The following WNT2 variants were observed in gnomAD, a reference collection of about 807,000 sequenced individuals.
The protein encoded by WNT2 is protein Wnt-2.
Under a neutral mutation model 36.9 loss-of-function variants are expected in WNT2, and 12 were observed. The observed-to-expected ratio is 0.33, with a 90% CI of 0.21 to 0.53. WNT2 has a LOEUF of 0.53. Ranked by LOEUF, WNT2 falls within the 20% of genes least tolerant of loss-of-function variation. WNT2 has a pLI of 0.95. For synonymous variants in WNT2, 163 were observed against 174.6 expected (o/e 0.93, Z 0.52); for missense variants, 379 against 473.1 (o/e 0.80, Z 1.84).
intron 4 of WNT2, among the ~76,000 whole-genome samples, chr7:117,292,272 A>T (rs1184370332): frequency 6.6e-6 from 1 of 151,774 alleles, no homozygotes; most frequent in Non-Finnish European, 1.5e-5. Context: ...TTCATCACAC[A>T]GGACCTACTC....
At chr7:117,314,537 A>T (rs1795178403) in intron 3 of WNT2, among the ~76,000 whole-genome samples, 1 of 152,180 alleles carries the variant, frequency 6.6e-6, no homozygotes, top group African/African-American at 2.4e-5. Flanking sequence ...CTCCTGGTCC[A>T]CTTACTTATC....
chr7:117,301,433 C>A (rs1437891525), intron 3 of WNT2, among the ~76,000 whole-genome samples: 1 of 152,136 alleles, frequency 6.6e-6, no homozygotes, highest in Non-Finnish European at 1.5e-5. Flanking sequence ...AAGAAACTTA[C>A]AATGAGGATT....
At chr7:117,281,330 T>G (rs1003670108) in intron 4 of WNT2, among the ~76,000 whole-genome samples, 8 of 152,124 alleles carry the variant, frequency 5.3e-5, no homozygotes, top group Admixed American at 5.2e-4. Context: ...CTCGACCTCC[T>G]GGGCTCAAGG....
rs201120939 is a variant in WNT2, at chr7:117,320,668, G to A, written c.209C>T (p.Ala70Val). The A allele has an allele frequency of 4.3e-5, 70 of 1,613,856 alleles. 2 individuals are homozygous for A. Among genetic ancestry groups the A allele is most frequent in the Middle Eastern group, 3.3e-4 (2 of 6,054 alleles). Residue 70 changes from alanine (A) to valine (V), a missense_variant, in exon 2 of 5, where the codon GCC (alanine) becomes GTC (valine). Ala to Val is a moderately conservative substitution (Grantham distance 64). Coordinates refer to ENST00000265441, the MANE Select transcript of WNT2 (RefSeq NM_003391.3). Reference sequence around the variant, plus strand: ...GTGCTGGCATTCTGCTGTCCACTCGGCCACGCCCTGGCTAATGGCACGCAT... The same window carrying A: ...GTGCTGGCATTCTGCTGTCCACTCGACCACGCCCTGGCTAATGGCACGCAT... Reference protein sequence around the residue: ...DVMRAISQGVAEWTAECQHQF... With the variant: ...DVMRAISQGVVEWTAECQHQF...
chr7:117,321,671 G>C (rs1795329035), intron 1 of WNT2, among the ~76,000 whole-genome samples: 1 of 152,082 alleles, frequency 6.6e-6, no homozygotes, highest in Non-Finnish European at 1.5e-5. Context: ...AATCGTTACA[G>C]CTGTGACTTC....
intron 4 of WNT2, among the ~76,000 whole-genome samples, chr7:117,285,496 A>G (rs966822323): frequency 6.6e-6 from 1 of 152,208 alleles, no homozygotes; most frequent in East Asian, 1.9e-4. Flanking sequence ...CTAACTCTTC[A>G]TACTTCATTT....
chr7:117,303,628 G>T (rs1365236771), intron 3 of WNT2, among the ~76,000 whole-genome samples: 2 of 152,182 alleles, frequency 1.3e-5, no homozygotes, highest in Non-Finnish European at 2.9e-5. Context: ...GATGATAAAA[G>T]AATGAGTGAC....
rs1794382973 is a variant in WNT2 at position 117,276,582 on chromosome 7, T to G, written c.*1573A>C. ...GTAGGTTGTTTTGTACGAGTCTCAGTCTAAATGACCTTACTGTATGGTATT... is the reference window on the plus strand; with the variant it reads ...GTAGGTTGTTTTGTACGAGTCTCAGGCTAAATGACCTTACTGTATGGTATT... On this transcript the variant is annotated 3_prime_UTR_variant, in exon 5 of 5. Coordinates refer to ENST00000265441, the MANE Select transcript of WNT2 (RefSeq NM_003391.3). 6.6e-6 allele frequency: 1 copy of G among 152,210 alleles called. No homozygotes were observed. The highest frequency in any genetic ancestry group is 2.4e-5 in the African/African-American group (1 of 41,452). 9.4% of individuals were successfully genotyped at this position (152,210 alleles called of 1,614,324 possible).
rs967400570 is a variant in WNT2, at chr7:117,277,533, T to C, written c.*622A>G. The C allele has an allele frequency of 6.5e-6, 1 of 154,026 alleles. No individual in the cohort carries two copies. Among genetic ancestry groups the C allele is most frequent in the African/African-American group, 2.4e-5 (1 of 41,462 alleles). The allele number at this position is 154,026 out of a possible 1,614,324, so 9.5% of individuals were successfully genotyped here. ...CCCACCTTGTTACATCAGATTTTAA[T>C]ATGGCAATAAATGCCTTGAAAAATA... On this transcript the variant is annotated 3_prime_UTR_variant, in exon 5 of 5. Transcript: ENST00000265441.
At chr7:117,303,198 G>A (rs935371798) in intron 3 of WNT2, among the ~76,000 whole-genome samples, 1 of 152,172 alleles carries the variant, frequency 6.6e-6, no homozygotes, top group Non-Finnish European at 1.5e-5. Flanking sequence ...GGGATGCAGA[G>A]GAGAAGGTGA....
intron 3 of WNT2, among the ~76,000 whole-genome samples, chr7:117,310,582 C>CAA (rs774296887): frequency 0.025 from 1,319 of 53,646 alleles, 38 homozygotes; most frequent in African/African-American, 0.061. Flanking sequence ...GACCCTGTCT[C>CAA]AAAAAAAAAA....
chr7:117,305,772 G>A (rs1387869024), intron 3 of WNT2, among the ~76,000 whole-genome samples: 2 of 152,110 alleles, frequency 1.3e-5, no homozygotes, highest in Admixed American at 1.3e-4. Flanking sequence ...TCCTGGGCTC[G>A]AGTGATCCTC....
At chr7:117,303,594 G>A (rs1314615483) in intron 3 of WNT2, among the ~76,000 whole-genome samples, 1 of 152,198 alleles carries the variant, frequency 6.6e-6, no homozygotes, top group East Asian at 1.9e-4. Flanking sequence ...GCCGCTGATG[G>A]AGGGACTGGA....
In WNT2 at chr7:117,315,118, C is replaced by T; in HGVS notation, c.541G>A (p.Asp181Asn). ...TGAAGATTCATCAGGGCTCTGGCAT[C>T]CTTTCCTTTCCTTTCCTTTGCATCC... ...FVDAKERKGK[D>N]ARALMNLHNN... The change falls in exon 3 of 5, where the codon GAT becomes AAT. Residue 181 changes from aspartate (D) to asparagine (N), a missense_variant. Coordinates refer to ENST00000265441, the MANE Select transcript of WNT2 (RefSeq NM_003391.3). The T allele has an allele frequency of 6.2e-7, 1 of 1,613,628 alleles. No homozygotes were observed. The highest frequency in any genetic ancestry group is 8.5e-7 in the Non-Finnish European group (1 of 1,179,690).
In WNT2 at chr7:117,307,257, T is replaced by G. The variant is rs144524386; in HGVS notation, c.588+7814A>C. ...CATCACATTCTTTAATTTCTTACCATATATCAAACCATGCTAAGCACTTTA... is the reference window on the plus strand; with the variant it reads ...CATCACATTCTTTAATTTCTTACCAGATATCAAACCATGCTAAGCACTTTA... On this transcript the variant is annotated intron_variant, in intron 3 of 4. Coordinates refer to ENST00000265441, the MANE Select transcript of WNT2 (RefSeq NM_003391.3). 7.5e-3 allele frequency among the ~76,000 whole-genome samples: 1,148 copies of G among 152,326 alleles called. 11 individuals are homozygous for G. The highest frequency in any genetic ancestry group is 0.026 in the African/African-American group (1,084 of 41,586).
At chr7:117,312,657 C>T (rs1474322796) in intron 3 of WNT2, among the ~76,000 whole-genome samples, 3 of 152,108 alleles carry the variant, frequency 2.0e-5, no homozygotes, top group Non-Finnish European at 4.4e-5. Flanking sequence ...AGGTGGAAAA[C>T]TAGACTCAAT....
intron 3 of WNT2, among the ~76,000 whole-genome samples, 178 bp from the exon 4 acceptor site, chr7:117,298,054 AC>A (rs1461331969): frequency 2.0e-5 from 3 of 152,140 alleles, no homozygotes; most frequent in Non-Finnish European, 2.9e-5. Context: ...ACCTGCCCTG[AC>A]TGCAGCAGGC....
At chr7:117,295,305 G>A (rs1380430878) in intron 4 of WNT2, among the ~76,000 whole-genome samples, 1 of 152,196 alleles carries the variant, frequency 6.6e-6, no homozygotes, top group Non-Finnish European at 1.5e-5. Context: ...GACTTTCTGT[G>A]AGAGTCAATG....
intron 4 of WNT2, among the ~76,000 whole-genome samples, chr7:117,283,308 T>A (rs1464381569): frequency 6.6e-6 from 1 of 152,236 alleles, no homozygotes; most frequent in Non-Finnish European, 1.5e-5. Flanking sequence ...TAATTTTTAC[T>A]TTTTTGTTAT....
Sources: gnomAD v4.1 joint callset for allele counts (sites outside exome capture counted in the v4.1 genomes callset) on GRCh38, gnomAD v4.1.1 for gene constraint, MANE v1.5 for transcripts, NCBI Gene and HGNC (gene_info 2026-07-23, HGNC 2026-07-21) for gene names.